The following FOXN3 variants were observed in gnomAD, a reference collection of about 807,000 sequenced individuals.
The protein encoded by FOXN3 is forkhead box protein N3.
A neutral mutation model predicts 38.4 loss-of-function variants in FOXN3; 7 were observed. The ratio of observed to expected loss-of-function variants is 0.18; its 90% CI spans 0.10 to 0.34. The LOEUF (loss-of-function observed/expected upper bound fraction) is 0.34, where lower values mean the gene tolerates loss of function less well. FOXN3 is among the 10% of genes least tolerant of loss of function. FOXN3 has a pLI of 1.00. For synonymous variants in FOXN3, 230 were observed against 242.2 expected (o/e 0.95, Z 0.47); for missense variants, 456 against 613.4 (o/e 0.74, Z 2.71).
At chr14:89,605,983 G>T (rs1243970534) in intron 1 of FOXN3, among the ~76,000 whole-genome samples, 7 of 151,694 alleles carry the variant, frequency 4.6e-5, no homozygotes, top group Non-Finnish European at 1.0e-4. Context: ...AGGTGTGGTA[G>T]TGCCCCATAT....
chr14:89,573,035 T>A (rs972229654), intron 1 of FOXN3, among the ~76,000 whole-genome samples: 2 of 152,254 alleles, frequency 1.3e-5, no homozygotes, highest in Non-Finnish European at 1.5e-5. Flanking sequence ...GGGCTGTGGT[T>A]TGGGGAGTTC....
intron 1 of FOXN3, among the ~76,000 whole-genome samples, chr14:89,473,870 A>G (rs1474528082): frequency 6.6e-6 from 1 of 152,232 alleles, no homozygotes; most frequent in African/African-American, 2.4e-5. Context: ...TCAATTTGTC[A>G]TTTTATTTAA....
At chr14:89,475,348 T>C (rs1388659785) in intron 1 of FOXN3, among the ~76,000 whole-genome samples, 1 of 152,052 alleles carries the variant, frequency 6.6e-6, no homozygotes, top group East Asian at 1.9e-4. Context: ...TAGTAAGAAG[T>C]AGTAGTTAGA....
intron 3 of FOXN3, among the ~76,000 whole-genome samples, chr14:89,332,057 G>A (rs1013900397): frequency 6.6e-6 from 1 of 152,160 alleles, no homozygotes; most frequent in South Asian, 2.1e-4. Flanking sequence ...GCAACTTCAT[G>A]TATACTCAAA....
chr14:89,249,462 C>G (rs1451631406), intron 4 of FOXN3, among the ~76,000 whole-genome samples: 2 of 152,170 alleles, frequency 1.3e-5, no homozygotes, highest in African/African-American at 4.8e-5. Context: ...AAGTCAGCAA[C>G]GCAGACACCG....
At chr14:89,346,170 T>A (rs764967366) in intron 3 of FOXN3, among the ~76,000 whole-genome samples, 1 of 152,248 alleles carries the variant, frequency 6.6e-6, no homozygotes, top group Non-Finnish European at 1.5e-5. Context: ...CACATTTTCC[T>A]TATCTACTCA....
chr14:89,467,696 A>G (rs1373314752), intron 1 of FOXN3, among the ~76,000 whole-genome samples: 1 of 150,800 alleles, frequency 6.6e-6, no homozygotes, highest in Non-Finnish European at 1.5e-5. Context: ...CTCAAGCTCC[A>G]GCAGTCCTCC....
At chr14:89,537,915 A>G (rs1201069512) in intron 1 of FOXN3, among the ~76,000 whole-genome samples, 1 of 152,240 alleles carries the variant, frequency 6.6e-6, no homozygotes, top group Non-Finnish European at 1.5e-5. Flanking sequence ...AAAGTACCTC[A>G]ATGGAAAACT....
intron 3 of FOXN3, among the ~76,000 whole-genome samples, chr14:89,318,130 T>G (rs1887780116): frequency 6.7e-6 from 1 of 149,060 alleles, no homozygotes; most frequent in South Asian, 2.1e-4. Flanking sequence ...CCTCCTTCCC[T>G]CCCTTTTTCT....
intron 1 of FOXN3, among the ~76,000 whole-genome samples, chr14:89,478,469 A>C (rs1033816287): frequency 1.1e-4 from 16 of 152,208 alleles, no homozygotes; most frequent in African/African-American, 3.9e-4. Context: ...CTGGTTTGGA[A>C]ATCTTTTAGA....
chr14:89,323,536 T>C (rs530650506), intron 3 of FOXN3, among the ~76,000 whole-genome samples: 2 of 151,844 alleles, frequency 1.3e-5, no homozygotes, highest in South Asian at 2.1e-4. Context: ...CTGACCAACA[T>C]GGTGAAACCC....
At chr14:89,509,828 C>T (rs910894896) in intron 1 of FOXN3, among the ~76,000 whole-genome samples, 1 of 152,268 alleles carries the variant, frequency 6.6e-6, no homozygotes, top group African/African-American at 2.4e-5. Context: ...TGTTTGCTTA[C>T]ATCTGCTATA....
chr14:89,492,240 G>T (rs567586732), intron 1 of FOXN3, among the ~76,000 whole-genome samples: 1 of 152,172 alleles, frequency 6.6e-6, no homozygotes, highest in Non-Finnish European at 1.5e-5. Context: ...AGCCTGGGGG[G>T]GCCAAGCACA....
At chr14:89,586,998 T>C (rs766852938) in intron 1 of FOXN3, among the ~76,000 whole-genome samples, 5 of 152,266 alleles carry the variant, frequency 3.3e-5, no homozygotes, top group Non-Finnish European at 7.3e-5. Flanking sequence ...CAGACATTTA[T>C]AGAGATCTCT....
intron 2 of FOXN3, among the ~76,000 whole-genome samples, chr14:89,398,431 C>T (rs1396450708): frequency 6.6e-6 from 1 of 152,046 alleles, no homozygotes; most frequent in Admixed American, 6.6e-5. Context: ...CCTGTGATTA[C>T]GGGCACTTTG....
At chr14:89,303,613 C>T (rs962608398) in intron 3 of FOXN3, among the ~76,000 whole-genome samples, 2 of 152,056 alleles carry the variant, frequency 1.3e-5, no homozygotes, top group South Asian at 4.1e-4. Context: ...TAATGAGGGT[C>T]GCATGGCTAG....
At chr14:89,238,530 G>A (rs372141731) in intron 4 of FOXN3, among the ~76,000 whole-genome samples, 72 of 152,126 alleles carry the variant, frequency 4.7e-4, no homozygotes, top group Non-Finnish European at 7.8e-4. Context: ...AGGAGTGTTC[G>A]GCAGCCTACG....
At chr14:89,359,756 G>C (rs911211804) in intron 2 of FOXN3, among the ~76,000 whole-genome samples, 9 of 152,188 alleles carry the variant, frequency 5.9e-5, no homozygotes, top group African/African-American at 2.2e-4. Flanking sequence ...CCTTAAGGAG[G>C]AGAGGCCCTG....
chr14:89,211,978 C>T (rs1884107995), intron 4 of FOXN3, among the ~76,000 whole-genome samples: 1 of 151,996 alleles, frequency 6.6e-6, no homozygotes, highest in Non-Finnish European at 1.5e-5. Context: ...GGATTCGTGG[C>T]CCTATAAGAG....
Sources: gnomAD v4.1 joint callset for allele counts (sites outside exome capture counted in the v4.1 genomes callset) on GRCh38, gnomAD v4.1.1 for gene constraint, MANE v1.5 for transcripts, NCBI Gene and HGNC (gene_info 2026-07-23, HGNC 2026-07-21) for gene names.